ZNF212: variants seen among roughly 807,000 people sequenced by gnomAD.
ZNF212 encodes the protein Zinc finger protein C2H2-150.
ZNF212 carries 32 observed loss-of-function variants against 47.3 expected under a neutral mutation model. That is an observed-to-expected ratio of 0.68 (90% CI 0.51 to 0.91). The LOEUF (loss-of-function observed/expected upper bound fraction) is 0.91, where lower values mean the gene tolerates loss of function less well. ZNF212 is among the 40% of genes least tolerant of loss of function. ZNF212 has a pLI of 0.00. For missense variants in ZNF212, 555 were observed against 622.8 expected (o/e 0.89, Z 1.16); for synonymous variants, 242 against 253.8 (o/e 0.95, Z 0.44).
At chr7:149,243,276 C>A (rs1257041069) in intron 1 of ZNF212, among the ~76,000 whole-genome samples, 1 of 151,608 alleles carries the variant, frequency 6.6e-6, no homozygotes, top group Non-Finnish European at 1.5e-5. Flanking sequence ...GCCTGTAGTC[C>A]CAGCTTCTTG....
chr7:149,250,427 G>A lies in ZNF212; in HGVS notation c.293G>A (p.Gly98Glu), dbSNP rs1796735619. ...CTGGAGGGCAAGTGGGCCGTGCTGG[G>A]GACCCTGCTGCAGGAGTATGGGCTA... ...NQLEGKWAVL[G>E]TLLQEYGLLQ... Residue 98 changes from glycine (G) to glutamate (E), a missense_variant, in exon 2 of 5, where the codon GGG (glycine) becomes GAG (glutamate). Coordinates refer to ENST00000335870, the MANE Select transcript of ZNF212 (RefSeq NM_012256.4). 3.1e-6 allele frequency: 5 copies of A among 1,614,186 alleles called. No homozygotes were observed. The highest frequency in any genetic ancestry group is 1.7e-6 in the Non-Finnish European group (2 of 1,180,034).
At position 149,249,542 on chromosome 7, in the gene ZNF212, C is replaced by T. The variant is rs114818551; in HGVS notation, c.25-617C>T. 5.8e-3 allele frequency among the ~76,000 whole-genome samples: 886 copies of T among 152,064 alleles called. 10 individuals are homozygous for T. The highest frequency in any genetic ancestry group is 0.02 in the African/African-American group (813 of 41,480). ...TAAAGCATAGGTAACAGAACATACA[C>T]GCTATAATTTCACTTTTGTTGAAAA... On this transcript the variant is annotated intron_variant, in intron 1 of 4. Transcript: ENST00000335870.
intron 4 of ZNF212, 101 bp from the exon 5 acceptor site, chr7:149,253,458 T>A: frequency 7.0e-7 from 1 of 1,436,548 alleles, no homozygotes; most frequent in Non-Finnish European, 9.3e-7. Context: ...AATTCACTTA[T>A]TCCTGGGGTG....
intron 1 of ZNF212, among the ~76,000 whole-genome samples, chr7:149,246,758 T>G (rs999782143): frequency 2.2e-4 from 34 of 151,950 alleles, no homozygotes; most frequent in Non-Finnish European, 5.9e-5. Context: ...CCCTATAGTT[T>G]GCTTTTTTCC....
At chr7:149,249,466 T>G (rs1585594921) in intron 1 of ZNF212, among the ~76,000 whole-genome samples, 1 of 152,080 alleles carries the variant, frequency 6.6e-6, no homozygotes, top group Non-Finnish European at 1.5e-5. Context: ...TAAATAAAAA[T>G]AGGTTTAAAA....
chr7:149,254,369 G>A lies in ZNF212; in HGVS notation c.1442G>A (p.Arg481Gln), dbSNP rs775086746. 4.1e-5 allele frequency: 66 copies of A among 1,608,050 alleles called. No homozygotes were observed. Among genetic ancestry groups the A allele is most frequent in the South Asian group, 2.3e-4 (21 of 91,076 alleles). ...CACCAGAAGATCCACCAGCGGGAGCGGGGTGGGCTGGCCCTGGAGCCCGGA... is the reference window on the plus strand; with the variant it reads ...CACCAGAAGATCCACCAGCGGGAGCAGGGTGGGCTGGCCCTGGAGCCCGGA... ...LQHQKIHQRE[R>Q]GGLALEPGRP... The change falls in exon 5 of 5, where the codon CGG becomes CAG. Residue 481 changes from arginine to glutamine, a missense_variant. Arg to Gln is a conservative substitution (Grantham distance 43, BLOSUM62 1). Transcript: ENST00000335870. The surrounding 1 kb of genome is among the most constrained non-coding windows in gnomAD (Gnocchi z 4.5).
intron 3 of ZNF212, 61 bp downstream of exon 3, chr7:149,250,868 G>T: frequency 6.2e-7 from 1 of 1,603,216 alleles, no homozygotes; most frequent in African/African-American, 1.3e-5. Context: ...CTGGCTGGCA[G>T]CCTGTAATTC....
chr7:149,241,531 G>T (rs1796588091), intron 1 of ZNF212, among the ~76,000 whole-genome samples: 1 of 151,566 alleles, frequency 6.6e-6, no homozygotes, highest in Non-Finnish European at 1.5e-5. Flanking sequence ...TCTTGAGCCT[G>T]TTTCTCTTCT....
At chr7:149,240,280 C>A (rs996953313) in intron 1 of ZNF212, among the ~76,000 whole-genome samples, 1 of 152,208 alleles carries the variant, frequency 6.6e-6, no homozygotes, top group African/African-American at 2.4e-5. Flanking sequence ...GGGTTGCAGC[C>A]ACAGGTTGAA....
rs1435971336 is a variant in ZNF212 at position 149,250,185 on chromosome 7, T to G, written c.51T>G (p.Pro17=). The change falls in exon 2 of 5, where the codon CCT becomes CCG. Residue 17 remains proline, a synonymous_variant. Transcript: ENST00000335870. The stretch of plus-strand genomic sequence containing the variant: ...ACAGGAGAAAACGACGCTCCACACC[T>G]TTAACTTCTTCCACACTTCCTTCAC... ...ARHRRKRRST[P]LTSSTLPSQA... is the part of the protein sequence containing the mutation. The G allele has an allele frequency of 6.4e-7, 1 of 1,550,558 alleles. No individual in the cohort carries two copies.
intron 1 of ZNF212, chr7:149,240,109 C>G (rs1219823464): frequency 2.9e-6 from 1 of 348,936 alleles, no homozygotes; most frequent in Admixed American, 4.8e-5. Flanking sequence ...GCCAAAAGAG[C>G]CCGTTCCCAG....
At chr7:149,250,096 G>A in intron 1 of ZNF212, 63 bp from the exon 2 acceptor site, 12 of 1,445,240 alleles carry the variant, frequency 8.3e-6, no homozygotes, top group Non-Finnish European at 1.1e-5. Context: ...TGATACACTT[G>A]AACACTGCTT....
intron 1 of ZNF212, among the ~76,000 whole-genome samples, chr7:149,248,800 G>A (rs1796712937): frequency 6.6e-6 from 1 of 152,240 alleles, no homozygotes; most frequent in African/African-American, 2.4e-5. Flanking sequence ...GCAGGAGGAT[G>A]TATTTAAGCT....
chr7:149,242,021 C>CTTT (rs34883587), intron 1 of ZNF212, among the ~76,000 whole-genome samples: 9 of 121,332 alleles, frequency 7.4e-5, no homozygotes, highest in African/African-American at 1.5e-4. Context: ...CTTTTCTTTT[C>CTTT]TTTTTTTTTT....
At position 149,253,980 on chromosome 7, in the gene ZNF212, G is replaced by C; in HGVS notation, c.1053G>C (p.Glu351Asp). 1 of 1,614,026 alleles carries C rather than the reference G, an allele frequency of 6.2e-7. No homozygotes were observed. Among genetic ancestry groups the C allele is most frequent in the Non-Finnish European group, 8.5e-7 (1 of 1,179,966 alleles). ...CTTGTACACCTGAGGAGCCAGAGGA[G>C]AGCCTTAGGCCCAGGCCACGGCTGA... ...WGSCTPEEPE[E>D]SLRPRPRLKP... Residue 351 changes from glutamate (E) to aspartate (D), a missense_variant, in exon 5 of 5, where the codon GAG (glutamate) becomes GAC (aspartate). By Grantham distance (45) the Glu-to-Asp change is conservative. Coordinates refer to ENST00000335870, the MANE Select transcript of ZNF212 (RefSeq NM_012256.4).
At position 149,255,238 on chromosome 7, in the gene ZNF212, G is replaced by A. The variant is rs1422381564; in HGVS notation, c.*823G>A. 4 of 152,702 alleles carry A rather than the reference G, an allele frequency of 2.6e-5. No homozygotes were observed. Among genetic ancestry groups the A allele is most frequent in the African/African-American group, 4.8e-5 (2 of 41,554 alleles). 9.5% of individuals were successfully genotyped at this position (152,702 alleles called of 1,614,324 possible). A position where few individuals can be genotyped will look rare whatever the true frequency, so the allele number is the denominator to read the frequency against. On this transcript the variant is annotated 3_prime_UTR_variant, in exon 5 of 5. Coordinates refer to ENST00000335870, the MANE Select transcript of ZNF212 (RefSeq NM_012256.4). ...GGTATGGCTGTGGTCTGGGACTTGC[G>A]GTGTCTCGGCATACCCCTCTCCTCT...
In ZNF212 at chr7:149,254,079, G is replaced by A; in HGVS notation, c.1152G>A (p.Leu384=). 3 of 1,612,826 alleles carry A rather than the reference G, an allele frequency of 1.9e-6. No individual in the cohort carries two copies. Among genetic ancestry groups the A allele is most frequent in the South Asian group, 1.1e-5 (1 of 90,854 alleles). Residue 384 remains leucine, a synonymous_variant, in exon 5 of 5, where the codon CTG becomes CTA. Coordinates refer to ENST00000335870, the MANE Select transcript of ZNF212 (RefSeq NM_012256.4). This position sits in a 1 kb window ranked among gnomAD's most constrained non-coding sequence, Gnocchi z 4.5. ...GGAGCTTCAGCTGCAAGGTGAGCCTGGTGACCCATCAGCGTTGCCACCTGC... is the reference window on the plus strand; with the variant it reads ...GGAGCTTCAGCTGCAAGGTGAGCCTAGTGACCCATCAGCGTTGCCACCTGC... ...CLRSFSCKVS[L]VTHQRCHLQE... is the part of the protein sequence containing the mutation.
intron 1 of ZNF212, among the ~76,000 whole-genome samples, chr7:149,242,021 C>CTTTTTTTTTTTT (rs34883587): frequency 1.6e-5 from 2 of 121,346 alleles, no homozygotes; most frequent in African/African-American, 3.1e-5. Flanking sequence ...CTTTTCTTTT[C>CTTTTTTTTTTTT]TTTTTTTTTT....
At position 149,250,103 on chromosome 7, in the gene ZNF212, G is replaced by A. The variant is rs1393052124; in HGVS notation, c.25-56G>A. 6.2e-6 allele frequency: 9 copies of A among 1,459,486 alleles called. No homozygotes were observed. In the African/African-American group the frequency reaches 8.5e-5, roughly 14 times the overall value. The allele number at this position is 1,459,486 out of a possible 1,614,324, so 90.4% of individuals were successfully genotyped here. The stretch of plus-strand genomic sequence containing the variant: ...CTGAGCACTGATACACTTGAACACT[G>A]CTTTCTTTACTTGATGTTTGGAAGT... On this transcript the variant is annotated intron_variant, in intron 1 of 4. Transcript: ENST00000335870.
Sources: allele counts gnomAD v4.1 joint callset (sites outside exome capture counted in the v4.1 genomes callset), GRCh38; gene constraint gnomAD v4.1.1; non-coding constraint Gnocchi (gnomAD v3.1); transcripts MANE v1.5; gene names NCBI Gene and HGNC (gene_info 2026-07-23, HGNC 2026-07-21).